Variants in MYH3 observed in about 807,000 individuals in gnomAD.
The protein encoded by MYH3 is myosin heavy chain 3, also known as myosin-3.
In MYH3, 130 loss-of-function variants were observed where a neutral mutation model predicts 238.0. That is an observed-to-expected ratio of 0.55 (90% CI 0.47 to 0.63). The LOEUF (loss-of-function observed/expected upper bound fraction) is 0.63. MYH3 is among the 30% of genes least tolerant of loss of function. The pLI is 0.00. For synonymous variants in MYH3, 880 were observed against 924.1 expected (o/e 0.95, Z 0.86); for missense variants, 1,853 against 2,374.9 (o/e 0.78, Z 4.57).
chr17:10,651,508 T>C lies in MYH3; in HGVS notation c.505+4A>G, dbSNP rs1387471216. 1.9e-6 allele frequency: 3 copies of C among 1,613,254 alleles called. No individual in the cohort carries two copies. The highest frequency in any genetic ancestry group is 2.5e-6 in the Non-Finnish European group (3 of 1,179,720). On this transcript the variant is annotated splice_donor_region_variant and intron_variant, in intron 5 of 40. Transcript: ENST00000583535. ...CATCCCATGCTTCCTCCTGGGAAAC[T>C]CACCAGTCAGCATGAACTGATAGGC...
chr17:10,649,765 C>G lies in MYH3; in HGVS notation c.534-80G>C, dbSNP rs1018916402. The G allele has an allele frequency of 1.2e-5, 16 of 1,282,010 alleles. No homozygotes were observed. In the East Asian group the frequency reaches 3.7e-4, roughly 30 times the overall value. 79.4% of individuals were successfully genotyped at this position (1,282,010 alleles called of 1,614,324 possible). A position where few individuals can be genotyped will look rare whatever the true frequency, so the allele number is the denominator to read the frequency against. ...GCTTTTCAGGATGTCATACTGAGGCCTGGGCATGGTCTGAGCCATCTCTGA... is the reference window on the plus strand; with the variant it reads ...GCTTTTCAGGATGTCATACTGAGGCGTGGGCATGGTCTGAGCCATCTCTGA... On this transcript the variant is annotated intron_variant, in intron 6 of 40. Transcript: ENST00000583535.
At chr17:10,674,490 A>G in the MYH3 span, 5 of 250,044 alleles carry the variant, frequency 2.0e-5, no homozygotes, top group Admixed American at 1.9e-4. Context: ...GTGGAGCCTG[A>G]GAAGCTGCAT....
At chr17:10,666,803 T>C in the MYH3 span, among the ~76,000 whole-genome samples, 3 of 151,902 alleles carry the variant, frequency 2.0e-5, no homozygotes, top group African/African-American at 7.2e-5. Context: ...TGGAAGAAAA[T>C]ATTTGTAATT....
In MYH3 at chr17:10,631,941, T is replaced by G. The variant is rs1213381672; in HGVS notation, c.5032A>C (p.Arg1678=). The change falls in exon 35 of 41, where the codon AGA becomes CGA. Residue 1678 remains arginine, a synonymous_variant. Coordinates refer to ENST00000583535, the MANE Select transcript of MYH3 (RefSeq NM_002470.4). The part of the protein sequence containing the change: ...LKEQLAIVER[R]ANLLQAEVEE... ...ACCTCGGCCTGCAGCAGGTTGGCTC[T>G]GCGCTCCACAATCGCCAGCTGCTCC... 1.2e-6 allele frequency: 2 copies of G among 1,614,110 alleles called. No individual in the cohort carries two copies. The highest frequency in any genetic ancestry group is 3.3e-5 in the Admixed American group (2 of 60,016).
upstream of MYH3, among the ~76,000 whole-genome samples, chr17:10,661,042 T>C (rs1597498191): frequency 6.6e-6 from 1 of 151,312 alleles, no homozygotes; most frequent in African/African-American, 2.4e-5. Flanking sequence ...GATGGCGCTA[T>C]CTTAGCTCAC....
the MYH3 span, among the ~76,000 whole-genome samples, chr17:10,668,856 C>T: frequency 6.6e-6 from 1 of 152,216 alleles, no homozygotes; most frequent in Admixed American, 6.5e-5. Flanking sequence ...ATTTGTAGTT[C>T]TGTGAATAGT....
chr17:10,667,498 G>A, the MYH3 span, among the ~76,000 whole-genome samples: 3 of 151,830 alleles, frequency 2.0e-5, no homozygotes, highest in South Asian at 2.1e-4. Context: ...CCTGGCCAAC[G>A]TGGTAAAACC....
At chr17:10,673,560 T>G in the MYH3 span, 1 of 152,260 alleles carries the variant, frequency 6.6e-6, no homozygotes, top group Non-Finnish European at 1.5e-5. Context: ...CTTCTGTAAC[T>G]AAGACGGCCT....
At chr17:10,678,224 C>G in the MYH3 span, 2 of 152,074 alleles carry the variant, frequency 1.3e-5, no homozygotes, top group South Asian at 2.1e-4. Context: ...TGGATTCACA[C>G]AGTCACCATA....
the MYH3 span, chr17:10,674,914 G>A: frequency 6.6e-6 from 1 of 152,246 alleles, no homozygotes; most frequent in Admixed American, 6.5e-5. Context: ...CCATCAAAAT[G>A]CAGTGAGCAT....
chr17:10,671,309 A>G, the MYH3 span, among the ~76,000 whole-genome samples: 1 of 152,084 alleles, frequency 6.6e-6, no homozygotes, highest in Non-Finnish European at 1.5e-5. Context: ...CATATCTATG[A>G]TTCTGTTAAT....
the MYH3 span, among the ~76,000 whole-genome samples, chr17:10,669,751 A>T: frequency 6.6e-6 from 1 of 151,964 alleles, no homozygotes; most frequent in Non-Finnish European, 1.5e-5. Flanking sequence ...AAAAAATAAA[A>T]AACAAAAAAA....
chr17:10,675,917 T>C, the MYH3 span: 1 of 152,150 alleles, frequency 6.6e-6, no homozygotes, highest in African/African-American at 2.4e-5. Context: ...ATGTATGACA[T>C]GGAGACAACA....
At chr17:10,630,839 G>A (rs1041913562) in intron 36 of MYH3, among the ~76,000 whole-genome samples, 2 of 151,864 alleles carry the variant, frequency 1.3e-5, no homozygotes, top group Admixed American at 6.6e-5. Context: ...CAATAAGAGT[G>A]AAACTCCATC....
upstream of MYH3, among the ~76,000 whole-genome samples, chr17:10,659,849 G>A (rs1262440339): frequency 6.6e-6 from 1 of 152,232 alleles, no homozygotes; most frequent in Admixed American, 6.5e-5. Flanking sequence ...CAGGGATAGA[G>A]GTCAGCTCTC....
chr17:10,657,542 G>A (rs2074446052), upstream of MYH3, among the ~76,000 whole-genome samples: 1 of 152,188 alleles, frequency 6.6e-6, no homozygotes, highest in Non-Finnish European at 1.5e-5. Flanking sequence ...TGAACTTGGG[G>A]CCGGTGCTCC....
rs1195705565 is a variant in MYH3, at chr17:10,639,052, C to A, written c.3240G>T (p.Arg1080Ser). The change falls in exon 25 of 41, where the codon AGG becomes AGT. Residue 1080 changes from arginine (R) to serine (S), a missense_variant. Physicochemically the swap from Arg to Ser is moderately radical, Grantham distance 110. Coordinates refer to ENST00000583535, the MANE Select transcript of MYH3 (RefSeq NM_002470.4). ...LENDKQQLDERLKKKDFEYCQ... is the reference protein window; with the variant it reads ...LENDKQQLDESLKKKDFEYCQ... The stretch of plus-strand genomic sequence containing the variant: ...GTGGTTGAAGGGCATACTTCTTGAG[C>A]CTTTCGTCCAGCTGTTGCTTGTCAT... The A allele has an allele frequency of 6.2e-7, 1 of 1,614,116 alleles. No homozygotes were observed. Among genetic ancestry groups the A allele is most frequent in the Non-Finnish European group, 8.5e-7 (1 of 1,180,050 alleles).
At chr17:10,651,062 G>A (rs1158385129) in intron 5 of MYH3, among the ~76,000 whole-genome samples, 4 of 151,714 alleles carry the variant, frequency 2.6e-5, no homozygotes, top group African/African-American at 7.3e-5. Context: ...GTGCATACCT[G>A]TAGTCGCAGC....
At chr17:10,652,851 G>C (rs1428930532) in intron 3 of MYH3, among the ~76,000 whole-genome samples, 1 of 151,844 alleles carries the variant, frequency 6.6e-6, no homozygotes, top group Non-Finnish European at 1.5e-5. Flanking sequence ...TCGATCTCCT[G>C]ACCTCGTGAT....
Sources: gnomAD v4.1 joint callset for allele counts (sites outside exome capture counted in the v4.1 genomes callset) on GRCh38, gnomAD v4.1.1 for gene constraint, MANE v1.5 for transcripts, NCBI Gene and HGNC (gene_info 2026-07-23, HGNC 2026-07-21) for gene names.